The following DPP10 variants were observed in gnomAD, a reference collection of about 807,000 sequenced individuals.
The protein encoded by DPP10 is dipeptidyl peptidase like 10, also known as inactive dipeptidyl peptidase 10.
DPP10 carries 33 observed loss-of-function variants against 120.9 expected under a neutral mutation model. The observed-to-expected ratio is 0.27, with a 90% CI of 0.21 to 0.37. DPP10 has a LOEUF of 0.37. Ranked by LOEUF, DPP10 falls within the 10% of genes least tolerant of loss-of-function variation. The pLI is 1.00. For missense variants in DPP10, 816 were observed against 942.8 expected (o/e 0.87, Z 1.76); for synonymous variants, 337 against 326.1 (o/e 1.03, Z -0.36).
intron 7 of DPP10, among the ~76,000 whole-genome samples, chr2:115,694,543 C>A (rs1271289514): frequency 6.6e-6 from 1 of 152,046 alleles, no homozygotes; most frequent in Admixed American, 6.6e-5. Context: ...ATAAAGAGTG[C>A]ATTATTTGGA....
intron 3 of DPP10, among the ~76,000 whole-genome samples, chr2:115,429,767 T>A (rs2070804212): frequency 6.6e-6 from 1 of 152,138 alleles, no homozygotes; most frequent in Admixed American, 6.6e-5. Flanking sequence ...GTTGGAAATG[T>A]TGACAAGGTA....
chr2:115,600,107 A>G (rs1018155879), intron 5 of DPP10, among the ~76,000 whole-genome samples: 2 of 151,968 alleles, frequency 1.3e-5, no homozygotes, highest in Non-Finnish European at 2.9e-5. Flanking sequence ...TTTTTAACCT[A>G]TCTCCACTGC....
chr2:114,533,700 TATC>T (rs1253893638), intron 1 of DPP10, among the ~76,000 whole-genome samples: 5 of 152,194 alleles, frequency 3.3e-5, no homozygotes, highest in Admixed American at 6.5e-5. Context: ...TTTATTGAAA[TATC>T]ATATTAATTG....
intron 2 of DPP10, among the ~76,000 whole-genome samples, chr2:115,334,415 G>C (rs954920865): frequency 6.6e-6 from 1 of 151,152 alleles, no homozygotes; most frequent in Non-Finnish European, 1.5e-5. Flanking sequence ...TTGCTTGAAT[G>C]GATGAATTAG....
intron 11 of DPP10, among the ~76,000 whole-genome samples, chr2:115,760,251 C>G (rs1013864972): frequency 6.6e-6 from 1 of 152,164 alleles, no homozygotes; most frequent in African/African-American, 2.4e-5. Context: ...AAACAAAATA[C>G]TGATACGCTC....
At chr2:115,094,955 T>C (rs11677549) in intron 1 of DPP10, among the ~76,000 whole-genome samples, 36,440 of 152,112 alleles carry the variant, frequency 0.24, 5,080 homozygotes, top group East Asian at 0.31. Context: ...AACAGACAAC[T>C]GGCACTTTGG....
intron 7 of DPP10, among the ~76,000 whole-genome samples, chr2:115,713,089 A>G (rs2092383215): frequency 6.6e-6 from 1 of 152,138 alleles, no homozygotes. Flanking sequence ...TGAACCTCAT[A>G]TGAGAATGAT....
rs138798897 is a variant in DPP10, at chr2:114,719,990, C to T, written c.60+277152C>T. ...TGACAGACTTCAGTCTTTCTTCCTGCGATTTGAGTTTGGTTAATGAAAACT... is the reference window on the plus strand; with the variant it reads ...TGACAGACTTCAGTCTTTCTTCCTGTGATTTGAGTTTGGTTAATGAAAACT... On this transcript the variant is annotated intron_variant, in intron 1 of 25. Transcript: ENST00000410059. 2.7e-3 allele frequency among the ~76,000 whole-genome samples: 409 copies of T among 152,192 alleles called. 4 individuals carry two copies. Among genetic ancestry groups the T allele is most frequent in the African/African-American group, 8.8e-3 (366 of 41,530 alleles).
Position 115,389,003 on chromosome 2 carries a change from C to T in DPP10, c.271+45091C>T, listed in dbSNP as rs533536814. On this transcript the variant is annotated intron_variant, in intron 3 of 25. Coordinates refer to ENST00000410059, the MANE Select transcript of DPP10 (RefSeq NM_020868.6). ...AGTAATAAAACACACAAGTTTTTAGCCTCTTTAAGGGAAAATACATATAAC... is the reference window on the plus strand; with the variant it reads ...AGTAATAAAACACACAAGTTTTTAGTCTCTTTAAGGGAAAATACATATAAC... 2.6e-5 allele frequency among the ~76,000 whole-genome samples: 4 copies of T among 152,232 alleles called. No homozygotes were observed. In the South Asian group the frequency reaches 8.3e-4, roughly 32 times the overall value.
At chr2:114,978,083 A>G (rs1472714801) in intron 1 of DPP10, among the ~76,000 whole-genome samples, 1 of 152,168 alleles carries the variant, frequency 6.6e-6, no homozygotes, top group Non-Finnish European at 1.5e-5. Context: ...GGGTATTAGC[A>G]GTTTTTCAGT....
chr2:115,007,273 C>T (rs1222470884), intron 1 of DPP10, among the ~76,000 whole-genome samples: 13 of 152,254 alleles, frequency 8.5e-5, no homozygotes, highest in East Asian at 3.9e-4. Flanking sequence ...GTTCAATATA[C>T]GCAAATCAAT....
chr2:115,693,141 A>C (rs2091407120), intron 7 of DPP10, among the ~76,000 whole-genome samples: 1 of 152,226 alleles, frequency 6.6e-6, no homozygotes, highest in Admixed American at 6.6e-5. Context: ...TATCTTGTAG[A>C]TATTTAGATA....
intron 1 of DPP10, among the ~76,000 whole-genome samples, chr2:114,868,723 G>A (rs1690436926): frequency 6.6e-6 from 1 of 152,046 alleles, no homozygotes; most frequent in South Asian, 2.1e-4. Context: ...GGAATTTCAG[G>A]GACGCTTGTT....
intron 1 of DPP10, among the ~76,000 whole-genome samples, chr2:114,533,126 G>A (rs1686182119): frequency 6.6e-6 from 1 of 152,160 alleles, no homozygotes; most frequent in Non-Finnish European, 1.5e-5. Context: ...GGTATGAGGT[G>A]TATGTATCAT....
At chr2:114,731,791 C>T (rs1676943898) in intron 1 of DPP10, among the ~76,000 whole-genome samples, 1 of 152,224 alleles carries the variant, frequency 6.6e-6, no homozygotes, top group East Asian at 1.9e-4. Context: ...GTTGTGGGGA[C>T]ACCATGCGCA....
At chr2:115,321,442 T>C (rs2062052111) in intron 2 of DPP10, among the ~76,000 whole-genome samples, 1 of 152,082 alleles carries the variant, frequency 6.6e-6, no homozygotes, top group African/African-American at 2.4e-5. Flanking sequence ...CTTTCGCTGC[T>C]TGCAGGATCC....
At chr2:115,784,057 A>G (rs1399104716) in intron 17 of DPP10, among the ~76,000 whole-genome samples, 1 of 152,166 alleles carries the variant, frequency 6.6e-6, no homozygotes, top group East Asian at 1.9e-4. Context: ...TTTTCTAATA[A>G]CTTCTGCTGC....
chr2:114,457,176 T>C (rs1297155606), intron 1 of DPP10, among the ~76,000 whole-genome samples: 1 of 152,204 alleles, frequency 6.6e-6, no homozygotes, highest in African/African-American at 2.4e-5. Flanking sequence ...ACGCAGACTC[T>C]GTTGGTCAAT....
chr2:115,743,386 G>A (rs1473267102), intron 9 of DPP10, among the ~76,000 whole-genome samples: 3 of 152,028 alleles, frequency 2.0e-5, no homozygotes, highest in Non-Finnish European at 2.9e-5. Context: ...AGCTTATAGC[G>A]CTGCTGACAT....
Sources: allele counts gnomAD v4.1 joint callset (sites outside exome capture counted in the v4.1 genomes callset), GRCh38; gene constraint gnomAD v4.1.1; transcripts MANE v1.5; gene names NCBI Gene and HGNC (gene_info 2026-07-23, HGNC 2026-07-21).